Variants in TRIM51 observed in about 807,000 individuals in gnomAD.
The protein encoded by TRIM51 is tripartite motif-containing 51.
In TRIM51, 23 loss-of-function variants were observed where a neutral mutation model predicts 32.7. The ratio of observed to expected loss-of-function variants is 0.70; its 90% confidence interval spans 0.51 to 1.00. The LOEUF is 1.00. TRIM51 is among the 50% of genes least tolerant of loss of function. TRIM51 has a pLI of 0.00. For missense variants in TRIM51, 592 were observed against 539.2 expected (o/e 1.10, Z -0.97); for synonymous variants, 177 against 181.9 (o/e 0.97, Z 0.22).
At position 55,891,430 on chromosome 11, in the gene TRIM51, A is replaced by G. The variant is rs767910778; in HGVS notation, c.1157A>G (p.Asp386Gly). The change falls in exon 7 of 7, where the codon GAC becomes GGC. Residue 386 changes from aspartate (D) to glycine (G), a missense_variant. Physicochemically the swap from Asp to Gly is moderately conservative, Grantham distance 94. Coordinates refer to ENST00000449290, the MANE Select transcript of TRIM51 (RefSeq NM_032681.4). Reference sequence around the variant, plus strand: ...TTTCTTCTTGGATGTGTTAAGGAGGACACTCACTGCAGTCTCTTTACCACC... The same window carrying G: ...TTTCTTCTTGGATGTGTTAAGGAGGGCACTCACTGCAGTCTCTTTACCACC... ...GLFLLGCVKE[D>G]THCSLFTTSP... is the part of the protein sequence containing the mutation. 1.2e-5 allele frequency: 19 copies of G among 1,612,734 alleles called. No individual in the cohort carries two copies. The highest frequency in any genetic ancestry group is 1.4e-5 in the Non-Finnish European group (16 of 1,179,692).
Position 55,891,350 on chromosome 11 carries a change from C to A in TRIM51, c.1077C>A (p.Asn359Lys). Residue 359 changes from asparagine to lysine, a missense_variant, in exon 7 of 7, where the codon AAC becomes AAA. Physicochemically the swap from Asn to Lys is moderately conservative, Grantham distance 94. Transcript: ENST00000449290. ...DSWNWAFGVC[N>K]NYWKEKRQND... ...GGAATTGGGCTTTTGGTGTCTGTAA[C>A]AATTATTGGAAAGAGAAGAGACAGA... 1.2e-6 allele frequency: 2 copies of A among 1,611,972 alleles called. No individual in the cohort carries two copies. The highest frequency in any genetic ancestry group is 1.7e-6 in the Non-Finnish European group (2 of 1,179,744).
At position 55,891,709 on chromosome 11, in the gene TRIM51, T is replaced by G; in HGVS notation, c.*77T>G. The G allele has an allele frequency of 6.6e-7, 1 of 1,509,996 alleles. No homozygotes were observed. The highest frequency in any genetic ancestry group is 2.3e-5 in the East Asian group (1 of 44,364). The allele number at this position is 1,509,996 out of a possible 1,614,324, so 93.5% of individuals were successfully genotyped here. Reference sequence around the variant, plus strand: ...AGAAAGCCCTCTTTTTCGCACCTCATCAAACAGAACAAATAAGTTATATTT... The same window carrying G: ...AGAAAGCCCTCTTTTTCGCACCTCAGCAAACAGAACAAATAAGTTATATTT... On this transcript the variant is annotated 3_prime_UTR_variant, in exon 7 of 7. Coordinates refer to ENST00000449290, the MANE Select transcript of TRIM51 (RefSeq NM_032681.4).
rs756775698 is a variant in TRIM51, at chr11:55,888,057, C to T, written c.533C>T (p.Ala178Val). 1.9e-6 allele frequency: 3 copies of T among 1,609,254 alleles called. No individual in the cohort carries two copies. Among genetic ancestry groups the T allele is most frequent in the African/African-American group, 1.3e-5 (1 of 74,756 alleles). The part of the protein sequence containing the change: ...WKDYVSLRIE[A>V]IRAEYQKMPA... ...GATTATGTGAGTTTAAGGATAGAAG[C>T]AATCAGAGCTGAATATCAGAAGATG... Residue 178 changes from alanine to valine, a missense_variant, in exon 4 of 7, where the codon GCA becomes GTA. Transcript: ENST00000449290.
chr11:55,891,107 A>G (rs1854642074), intron 6 of TRIM51, 26 bp from the exon 7 acceptor site: 4 of 1,551,112 alleles, frequency 2.6e-6, no homozygotes, highest in South Asian at 1.1e-5. Flanking sequence ...ACATGTATCT[A>G]TATTTTTTAA....
At chr11:55,887,544 G>A (rs936825492) in intron 3 of TRIM51, among the ~76,000 whole-genome samples, 123 of 152,120 alleles carry the variant, frequency 8.1e-4, no homozygotes, top group African/African-American at 2.7e-3. Flanking sequence ...CCATGTTGCC[G>A]ATTAGGGTGA....
Position 55,885,576 on chromosome 11 carries a change from G to A in TRIM51, c.148G>A (p.Ala50Thr). ...YLNWQDTAVL[A>T]QCSECKKTTR... ...CAACTGGCAAGACACGGCAGTTCTT[G>A]CTCAGTGCTCTGAATGCAAGAAGAC... is the stretch of plus-strand genomic sequence containing the variant. The change falls in exon 2 of 7, where the codon GCT (alanine) becomes ACT (threonine). Residue 50 changes from alanine (A) to threonine (T), a missense_variant. Transcript: ENST00000449290. The A allele has an allele frequency of 1.9e-6, 3 of 1,611,828 alleles. No individual in the cohort carries two copies. The highest frequency in any genetic ancestry group is 2.5e-6 in the Non-Finnish European group (3 of 1,179,736).
Position 55,891,596 on chromosome 11 carries a change from TCCTCTCAGG to T in TRIM51, c.1327_1335del (p.Leu443_Pro445del), listed in dbSNP as rs757841064. ...CCATCCCCAATTGCTCCTTCTCACC[TCCTCTCAGG>T]CCTATCTTTTGCTGTAGTCACTTCT... On this transcript the variant is annotated inframe_deletion, in exon 7 of 7. Transcript: ENST00000449290. The T allele has an allele frequency of 8.9e-5, 144 of 1,613,292 alleles. No individual in the cohort carries two copies. The highest frequency in any genetic ancestry group is 1.1e-4 in the Non-Finnish European group (133 of 1,179,656).
chr11:55,891,538 T>A lies in TRIM51; in HGVS notation c.1265T>A (p.Phe422Tyr), dbSNP rs769667972. 1.2e-6 allele frequency: 2 copies of A among 1,613,606 alleles called. No homozygotes were observed. The highest frequency in any genetic ancestry group is 1.7e-6 in the Non-Finnish European group (2 of 1,179,716). Residue 422 changes from phenylalanine (F) to tyrosine (Y), a missense_variant, in exon 7 of 7, where the codon TTT (phenylalanine) becomes TAT (tyrosine). Transcript: ENST00000449290. ...FLDCEGRTVS[F>Y]VDVDQSSLIY... ...GATTGTGAAGGTAGAACCGTGAGCT[T>A]TGTTGATGTTGATCAAAGTTCCCTG...
chr11:55,890,417 A>G (rs1854634218), intron 6 of TRIM51, among the ~76,000 whole-genome samples: 1 of 152,190 alleles, frequency 6.6e-6, no homozygotes, highest in South Asian at 2.1e-4. Context: ...TCATTGGGGA[A>G]TAGAGTTCAC....
chr11:55,884,172 T>C (rs1430540754), intron 1 of TRIM51, among the ~76,000 whole-genome samples: 1 of 123,956 alleles, frequency 8.1e-6, no homozygotes, highest in African/African-American at 3.1e-5. Context: ...TATATATATA[T>C]ATATATATAT....
rs770775923 is a variant in TRIM51 at position 55,886,198 on chromosome 11, A to T, written c.487A>T (p.Thr163Ser). Residue 163 changes from threonine to serine, a missense_variant, in exon 3 of 7, where the codon ACA becomes TCA. Coordinates refer to ENST00000449290, the MANE Select transcript of TRIM51 (RefSeq NM_032681.4). ...ENLRNLNMET[T>S]RTRCWKDYVS... Reference sequence around the variant, plus strand: ...TCTCAGAAATCTGAACATGGAAACCACAAGAACCAGATGCTGGAAGGTTAG... The same window carrying T: ...TCTCAGAAATCTGAACATGGAAACCTCAAGAACCAGATGCTGGAAGGTTAG... The T allele has an allele frequency of 1.2e-6, 2 of 1,613,584 alleles. No individual in the cohort carries two copies. The highest frequency in any genetic ancestry group is 2.2e-5 in the South Asian group (2 of 91,074).
intron 4 of TRIM51, 36 bp downstream of exon 4, chr11:55,888,298 A>C: frequency 6.8e-7 from 1 of 1,471,156 alleles, no homozygotes; most frequent in East Asian, 2.3e-5. Context: ...GATGTTGAAC[A>C]TTCACATACA....
intron 6 of TRIM51, 120 bp downstream of exon 6, chr11:55,890,159 A>G (rs1854630280): frequency 6.1e-6 from 4 of 658,472 alleles, no homozygotes; most frequent in Admixed American, 5.7e-5. Flanking sequence ...GAACCATATG[A>G]CTATGCAACC....
At chr11:55,889,625 T>C (rs1442466319) in intron 5 of TRIM51, among the ~76,000 whole-genome samples, 5 of 152,106 alleles carry the variant, frequency 3.3e-5, no homozygotes, top group Non-Finnish European at 5.9e-5. Context: ...GACAGTGATT[T>C]CAGGAATTTC....
chr11:55,887,332 A>G (rs1854589722), intron 3 of TRIM51, among the ~76,000 whole-genome samples: 1 of 150,558 alleles, frequency 6.6e-6, no homozygotes, highest in African/African-American at 2.4e-5. Context: ...GATACATTTG[A>G]GGAATATATA....
chr11:55,889,374 C>A (rs957371624), intron 5 of TRIM51, among the ~76,000 whole-genome samples: 24 of 151,966 alleles, frequency 1.6e-4, no homozygotes, highest in African/African-American at 5.8e-4. Context: ...CCAGGGGAAG[C>A]CAGAGAGAAA....
At chr11:55,888,727 T>C (rs1854609072) in intron 4 of TRIM51, among the ~76,000 whole-genome samples, 1 of 152,128 alleles carries the variant, frequency 6.6e-6, no homozygotes, top group Non-Finnish European at 1.5e-5. Flanking sequence ...CCACAGAGCA[T>C]AGACTCTGTG....
chr11:55,888,402 G>T, intron 4 of TRIM51, 140 bp downstream of exon 4: 5 of 741,840 alleles, frequency 6.7e-6, no homozygotes, highest in South Asian at 6.6e-5. Flanking sequence ...CTACTTGGTT[G>T]GGAGGGTATA....
intron 3 of TRIM51, 77 bp from the exon 4 acceptor site, chr11:55,887,955 T>G (rs190350407): frequency 9.4e-7 from 1 of 1,069,152 alleles, no homozygotes; most frequent in East Asian, 2.5e-5. Context: ...ATTGGGTGTT[T>G]AGAATGCTAA....
Sources: allele counts gnomAD v4.1 joint callset (sites outside exome capture counted in the v4.1 genomes callset), GRCh38; gene constraint gnomAD v4.1.1; transcripts MANE v1.5; gene names NCBI Gene and HGNC (gene_info 2026-07-23, HGNC 2026-07-21).